The following AURKA variants were observed in gnomAD, a reference collection of about 807,000 sequenced individuals.
AURKA encodes the protein aurora 2.
AURKA carries 12 observed loss-of-function variants against 40.9 expected under a neutral mutation model. The ratio of observed to expected loss-of-function variants is 0.29; its 90% CI spans 0.19 to 0.48. The LOEUF is 0.48. Ranked by LOEUF, AURKA falls within the 20% of genes least tolerant of loss-of-function variation. The probability of loss-of-function intolerance (pLI) is 0.99; values close to 1 mark genes in which losing one functional copy is unlikely to be tolerated. For missense variants in AURKA, 322 were observed against 462.1 expected, an observed-to-expected ratio of 0.70 and a Z score of 2.78; for synonymous variants, 170 against 164.3, an observed-to-expected ratio of 1.03 and a Z score of -0.26.
rs1260570180 is a variant in AURKA at position 56,383,159 on chromosome 20, T to C, written c.392A>G (p.Glu131Gly). 6.2e-7 allele frequency: 1 copy of C among 1,614,088 alleles called. No individual in the cohort carries two copies. The highest frequency in any genetic ancestry group is 8.5e-7 in the Non-Finnish European group (1 of 1,180,050). The change falls in exon 5 of 9, where the codon GAA (glutamate) becomes GGA (glycine). Residue 131 changes from glutamate (E) to glycine (G), a missense_variant. Coordinates refer to ENST00000395915, the MANE Select transcript of AURKA (RefSeq NM_198437.3). The part of the protein sequence containing the change: ...EESKKRQWAL[E>G]DFEIGRPLGK... ...CAGAGGGCGACCAATTTCAAAGTCTTCCAAAGCCCACTGCCTCCTAGGAGG... is the reference window on the plus strand; with the variant it reads ...CAGAGGGCGACCAATTTCAAAGTCTCCCAAAGCCCACTGCCTCCTAGGAGG...
At chr20:56,376,611 A>C (rs559904253) in intron 6 of AURKA, among the ~76,000 whole-genome samples, 9 of 152,342 alleles carry the variant, frequency 5.9e-5, no homozygotes, top group African/African-American at 2.2e-4. Context: ...AACAGAAAAA[A>C]ATCAAAGTAA....
chr20:56,388,051 G>T, intron 2 of AURKA, 105 bp downstream of exon 2: 1 of 835,070 alleles, frequency 1.2e-6, no homozygotes, highest in Non-Finnish European at 2.0e-6. Flanking sequence ...ATCACAGTAA[G>T]GGATCTAAAT....
chr20:56,383,137 A>C lies in AURKA; in HGVS notation c.414T>G (p.Pro138=). 6.2e-7 allele frequency: 1 copy of C among 1,614,232 alleles called. No individual in the cohort carries two copies. Among genetic ancestry groups the C allele is most frequent in the Non-Finnish European group, 8.5e-7 (1 of 1,180,042 alleles). Residue 138 remains proline (P), a synonymous_variant, in exon 5 of 9, where the codon CCT becomes CCG. Transcript: ENST00000395915. ...CATTACCAAACTTTCCTTTACCCAG[A>C]GGGCGACCAATTTCAAAGTCTTCCA... ...WALEDFEIGR[P]LGKGKFGNVY...
chr20:56,377,807 A>G (rs1985133237), intron 6 of AURKA, among the ~76,000 whole-genome samples: 1 of 152,202 alleles, frequency 6.6e-6, no homozygotes, highest in African/African-American at 2.4e-5. Flanking sequence ...GAGACGTTCA[A>G]CATCAAATGT....
chr20:56,388,024 A>G, intron 2 of AURKA, 132 bp downstream of exon 2: 1 of 676,726 alleles, frequency 1.5e-6, no homozygotes, highest in Non-Finnish European at 2.6e-6. Flanking sequence ...GAGAAAAGTG[A>G]CTAATTCATA....
At position 56,370,493 on chromosome 20, in the gene AURKA, TTC is replaced by T. The variant is rs1459123017; in HGVS notation, c.1019_1020del (p.Arg340AsnfsTer5). On this transcript the variant is annotated frameshift_variant, in exon 8 of 9. Coordinates refer to ENST00000395915, the MANE Select transcript of AURKA (RefSeq NM_198437.3). LOFTEE classifies it high-confidence loss of function. The stretch of plus-strand genomic sequence containing the variant: ...TTTCAGTTGCGTCTTACCCGTGATA[TTC>T]TTTTGTAGGTCTCTTGGTATGTGTT... ...EANTYQETYKRISRVEFTFPD... is the reference protein window; with the variant it reads ...EANTYQETYKXISRVEFTFPD... 6.2e-7 allele frequency: 1 copy of T among 1,614,246 alleles called. No individual in the cohort carries two copies.
In AURKA at chr20:56,370,539, C is replaced by G. The variant is rs2146124571; in HGVS notation, c.975G>C (p.Gly325=). ...ATGTGTTTGCCTCAAAAGGAGGCTTCCCAACTAAAAATTCATAGCAAAGAA... is the reference window on the plus strand; with the variant it reads ...ATGTGTTTGCCTCAAAAGGAGGCTTGCCAACTAAAAATTCATAGCAAAGAA... ...LGVLCYEFLV[G]KPPFEANTYQ... The change falls in exon 8 of 9, where the codon GGG becomes GGC. Residue 325 remains glycine (G), a synonymous_variant. Transcript: ENST00000395915. 6.2e-7 allele frequency: 1 copy of G among 1,614,106 alleles called. No individual in the cohort carries two copies. Among genetic ancestry groups the G allele is most frequent in the South Asian group, 1.1e-5 (1 of 91,090 alleles).
rs1983898857 is a variant in AURKA at position 56,370,053 on chromosome 20, T to C, written c.*105A>G. On this transcript the variant is annotated 3_prime_UTR_variant, in exon 9 of 9. Transcript: ENST00000395915. ...TAAAACAAATATTTCTTGTGTAGCG[T>C]TCTAGATTGAGGGCAGCAGTCAATG... The C allele has an allele frequency of 8.6e-6, 12 of 1,393,290 alleles. No individual in the cohort carries two copies. The Admixed American group carries it at 1.8e-4, about 21-fold the overall frequency. 86.3% of individuals were successfully genotyped at this position (1,393,290 alleles called of 1,614,324 possible).
At chr20:56,384,782 T>C (rs1032050136) in intron 3 of AURKA, among the ~76,000 whole-genome samples, 3 of 152,172 alleles carry the variant, frequency 2.0e-5, no homozygotes, top group African/African-American at 7.2e-5. Flanking sequence ...CCTCCATTTA[T>C]ATTAGCTGCC....
rs1399123657 is a variant in AURKA, at chr20:56,370,236, A to G, written c.1134T>C (p.Leu378=). The G allele has an allele frequency of 6.2e-7, 1 of 1,614,134 alleles. No individual in the cohort carries two copies. Among genetic ancestry groups the G allele is most frequent in the South Asian group, 1.1e-5 (1 of 91,072 alleles). Residue 378 remains leucine, a synonymous_variant, in exon 9 of 9, where the codon CTT becomes CTC. Coordinates refer to ENST00000395915, the MANE Select transcript of AURKA (RefSeq NM_198437.3). ...AATTTGCTGTGATCCAGGGGTGTTC[A>G]AGTACTTCTCTGAGCATTGGCCTCT... is the stretch of plus-strand genomic sequence containing the variant. ...PSQRPMLREV[L]EHPWITANSS...
chr20:56,371,231 G>C (rs1159325004), intron 7 of AURKA, among the ~76,000 whole-genome samples: 1 of 152,122 alleles, frequency 6.6e-6, no homozygotes, highest in Non-Finnish European at 1.5e-5. Flanking sequence ...GGGAGGCCGA[G>C]GGAGGCGGAT....
At chr20:56,385,907 C>T (rs745861283) in intron 3 of AURKA, among the ~76,000 whole-genome samples, 27 of 152,292 alleles carry the variant, frequency 1.8e-4, no homozygotes, top group Admixed American at 7.8e-4. Context: ...CCTCAGTTCA[C>T]CCACTTCTCT....
chr20:56,383,531 G>A lies in AURKA; in HGVS notation c.375-355C>T, dbSNP rs186233965. On this transcript the variant is annotated intron_variant, in intron 4 of 8. Coordinates refer to ENST00000395915, the MANE Select transcript of AURKA (RefSeq NM_198437.3). The stretch of plus-strand genomic sequence containing the variant: ...GACCAGAGAGGGAGGAATGCTTCCA[G>A]ACCATCTGGGGGCATGTTTCAAACT... 2.6e-5 allele frequency among the ~76,000 whole-genome samples: 4 copies of A among 152,312 alleles called. No individual in the cohort carries two copies. The East Asian group carries it at 7.7e-4, about 29-fold the overall frequency.
At chr20:56,377,084 C>CA (rs1345535059) in intron 6 of AURKA, among the ~76,000 whole-genome samples, 22 of 150,616 alleles carry the variant, frequency 1.5e-4, no homozygotes, top group African/African-American at 2.7e-4. Flanking sequence ...AAGAATGCCT[C>CA]AAAAAAAACA....
intron 1 of AURKA, chr20:56,388,456 C>G (rs1600713684): frequency 1.8e-6 from 1 of 552,812 alleles, no homozygotes; most frequent in African/African-American, 1.9e-5. Context: ...GCTCCATCAT[C>G]TCTCCTCTAA....
At chr20:56,391,933 C>T (rs1200431636) in intron 1 of AURKA, 2 of 106,098 alleles carry the variant, frequency 1.9e-5, no homozygotes, top group South Asian at 3.4e-4. Context: ...ACTCAACAAA[C>T]CCCTTGTACC....
intron 6 of AURKA, among the ~76,000 whole-genome samples, chr20:56,380,324 C>T (rs1015309934): frequency 1.4e-5 from 2 of 144,328 alleles, no homozygotes; most frequent in African/African-American, 2.6e-5. Flanking sequence ...CACTGCACTC[C>T]AGCCTGGGCG....
chr20:56,369,927 C>G lies in AURKA; in HGVS notation c.*231G>C. 1 of 614,532 alleles carries G rather than the reference C, an allele frequency of 1.6e-6. No homozygotes were observed. The highest frequency in any genetic ancestry group is 1.8e-5 in the South Asian group (1 of 54,150). The allele number at this position is 614,532 out of a possible 1,614,324, so 38.1% of individuals were successfully genotyped here. A position where few individuals can be genotyped will look rare whatever the true frequency, so the allele number is the denominator to read the frequency against. On this transcript the variant is annotated 3_prime_UTR_variant, in exon 9 of 9. Coordinates refer to ENST00000395915, the MANE Select transcript of AURKA (RefSeq NM_198437.3). Reference sequence around the variant, plus strand: ...CGAACCTTGCCTCCAGATTATGAACCAGTATAAGTAGCACAATTCTCGTGG... The same window carrying G: ...CGAACCTTGCCTCCAGATTATGAACGAGTATAAGTAGCACAATTCTCGTGG...
chr20:56,386,238 G>C lies in AURKA; in HGVS notation c.319+19C>G, dbSNP rs1353399642. 1 of 1,614,166 alleles carries C rather than the reference G, an allele frequency of 6.2e-7. No homozygotes were observed. The highest frequency in any genetic ancestry group is 1.7e-5 in the Admixed American group (1 of 60,034). ...ACGACAAAGAAGGACTATCCAATGA[G>C]TCTCAAAAGCTAGTTTACCAGGTGC... On this transcript the variant is annotated intron_variant, in intron 3 of 8. Coordinates refer to ENST00000395915, the MANE Select transcript of AURKA (RefSeq NM_198437.3).
Sources: gnomAD v4.1 joint callset for allele counts (sites outside exome capture counted in the v4.1 genomes callset) on GRCh38, gnomAD v4.1.1 for gene constraint, MANE v1.5 for transcripts, NCBI Gene and HGNC (gene_info 2026-07-23, HGNC 2026-07-21) for gene names.